PDE1C: variants seen among roughly 807,000 people sequenced by gnomAD.
PDE1C encodes the protein dual specificity calcium/calmodulin-dependent 3',5'-cyclic nucleotide phosphodiesterase 1C.
PDE1C carries 62 observed loss-of-function variants against 93.1 expected under a neutral mutation model. That is an observed-to-expected ratio of 0.67 (90% CI 0.54 to 0.82). PDE1C has a LOEUF of 0.82. PDE1C is among the 40% of genes least tolerant of loss of function. The pLI, the probability that PDE1C is intolerant of heterozygous loss-of-function variation, is 0.00. For missense variants in PDE1C, 742 were observed against 884.6 expected, an observed-to-expected ratio of 0.84 and a Z score of 2.04; for synonymous variants, 325 against 310.1, an observed-to-expected ratio of 1.05 and a Z score of -0.50.
intron 9 of PDE1C, among the ~76,000 whole-genome samples, chr7:31,844,842 T>C (rs1432323144): frequency 6.6e-6 from 1 of 152,076 alleles, no homozygotes. Context: ...AGCTTTTTCC[T>C]CTTACTTTTT....
At chr7:31,749,233 G>A (rs1487805449), downstream of PDE1C, among the ~76,000 whole-genome samples, 1 of 151,978 alleles carries the variant, frequency 6.6e-6, no homozygotes, top group Admixed American at 6.6e-5. Flanking sequence ...CCTTTGTGAG[G>A]TTGATATTAT....
chr7:32,084,382 G>T (rs1796925155), intron 3 of PDE1C, among the ~76,000 whole-genome samples: 1 of 149,740 alleles, frequency 6.7e-6, no homozygotes, highest in Non-Finnish European at 1.5e-5. Flanking sequence ...AAGAGACTTA[G>T]ACTCCCACAC....
At chr7:31,881,427 A>G (rs554438376) in intron 2 of PDE1C, among the ~76,000 whole-genome samples, 1 of 152,348 alleles carries the variant, frequency 6.6e-6, no homozygotes, top group Non-Finnish European at 1.5e-5. Flanking sequence ...AAAAGAAAAG[A>G]AAATATGAGG....
intron 9 of PDE1C, among the ~76,000 whole-genome samples, chr7:31,840,036 C>A (rs1185499008): frequency 6.6e-6 from 1 of 151,984 alleles, no homozygotes. Flanking sequence ...GACTGCATCT[C>A]AATTAAAAAA....
chr7:31,857,068 T>G (rs1398560998), intron 7 of PDE1C, among the ~76,000 whole-genome samples: 2 of 152,060 alleles, frequency 1.3e-5, no homozygotes, highest in African/African-American at 4.8e-5. Context: ...ACAACTTTAT[T>G]TTACCTTAAT....
the PDE1C span, among the ~76,000 whole-genome samples, chr7:31,682,820 A>C: frequency 2.6e-4 from 39 of 152,240 alleles, no homozygotes; most frequent in African/African-American, 9.2e-4. Flanking sequence ...TTGATACATG[A>C]AACCACCTGA....
At chr7:32,341,006 G>C (rs1165034567) in intron 1 of PDE1C, among the ~76,000 whole-genome samples, 1 of 151,954 alleles carries the variant, frequency 6.6e-6, no homozygotes, top group Non-Finnish European at 1.5e-5. Context: ...TGGACTTTGG[G>C]TGATAATGAT....
At chr7:32,000,285 C>A (rs991366334) in intron 2 of PDE1C, among the ~76,000 whole-genome samples, 2 of 152,094 alleles carry the variant, frequency 1.3e-5, no homozygotes, top group Non-Finnish European at 2.9e-5. Context: ...ATTCATGCAA[C>A]GAGCTCAGAA....
intron 17 of PDE1C, among the ~76,000 whole-genome samples, chr7:31,758,873 T>C (rs1794650634): frequency 6.6e-6 from 1 of 152,200 alleles, no homozygotes; most frequent in Non-Finnish European, 1.5e-5. Context: ...GCTGATTCAC[T>C]GCTCTTCAAG....
chr7:32,093,191 A>G (rs1459954091), intron 3 of PDE1C, among the ~76,000 whole-genome samples: 1 of 152,256 alleles, frequency 6.6e-6, no homozygotes, highest in African/African-American at 2.4e-5. Flanking sequence ...TTTACCTTTC[A>G]GAAGAGCAAG....
chr7:31,947,593 A>G (rs1039251833), intron 2 of PDE1C, among the ~76,000 whole-genome samples: 1 of 152,184 alleles, frequency 6.6e-6, no homozygotes, highest in Non-Finnish European at 1.5e-5. Context: ...ACTGCTGCTA[A>G]GCAAAGAACC....
intron 1 of PDE1C, among the ~76,000 whole-genome samples, chr7:32,398,360 T>C (rs970404554): frequency 6.6e-6 from 1 of 150,926 alleles, no homozygotes; most frequent in Non-Finnish European, 1.5e-5. Context: ...TGATACGGGA[T>C]GATTTCCAAG....
chr7:32,204,463 C>T (rs1007582220), intron 2 of PDE1C, among the ~76,000 whole-genome samples: 3 of 152,198 alleles, frequency 2.0e-5, no homozygotes, highest in Non-Finnish European at 4.4e-5. Context: ...GCTCTGTGGG[C>T]ACTGTCTCCC....
intron 2 of PDE1C, among the ~76,000 whole-genome samples, chr7:32,200,874 T>C (rs1218509862): frequency 6.6e-6 from 1 of 152,068 alleles, no homozygotes; most frequent in Non-Finnish European, 1.5e-5. Context: ...ATGGGAGATA[T>C]AGTTACAAAT....
chr7:32,136,404 C>T (rs551460428), intron 3 of PDE1C, among the ~76,000 whole-genome samples: 3 of 151,960 alleles, frequency 2.0e-5, no homozygotes, highest in South Asian at 2.1e-4. Context: ...TGCAGTGGTG[C>T]GATCTCGGCT....
intron 1 of PDE1C, among the ~76,000 whole-genome samples, chr7:32,415,724 C>CA (rs1785262557): frequency 7.2e-6 from 1 of 139,830 alleles, no homozygotes; most frequent in South Asian, 2.2e-4. Flanking sequence ...GGGAACAAAG[C>CA]GCTACGTCCT....
chr7:32,055,490 T>C (rs144547861), intron 1 of PDE1C, among the ~76,000 whole-genome samples: 52 of 152,188 alleles, frequency 3.4e-4, no homozygotes, highest in Non-Finnish European at 6.3e-4. Context: ...TTCTGAAGCC[T>C]TCAAAGAAAA....
chr7:31,824,703 C>T (rs1293756406), intron 13 of PDE1C, among the ~76,000 whole-genome samples, 164 bp downstream of exon 13: 1 of 152,042 alleles, frequency 6.6e-6, no homozygotes, highest in Non-Finnish European at 1.5e-5. Flanking sequence ...ACGGATAATA[C>T]AATTTCAACT....
chr7:31,850,106 G>A (rs1009197533), intron 8 of PDE1C, among the ~76,000 whole-genome samples: 28 of 152,078 alleles, frequency 1.8e-4, no homozygotes, highest in Non-Finnish European at 3.2e-4. Flanking sequence ...CACGGTGAAA[G>A]TAGCCTACAG....
Sources: allele counts gnomAD v4.1 joint callset (sites outside exome capture counted in the v4.1 genomes callset), GRCh38; gene constraint gnomAD v4.1.1; transcripts MANE v1.5; gene names NCBI Gene and HGNC (gene_info 2026-07-23, HGNC 2026-07-21).